The following TMCO4 variants were observed in gnomAD, a reference collection of about 807,000 sequenced individuals.
TMCO4 encodes the protein transmembrane and coiled-coil domain-containing protein 4.
TMCO4 carries 58 observed loss-of-function variants against 64.7 expected under a neutral mutation model. The ratio of observed to expected loss-of-function variants is 0.90; its 90% CI spans 0.73 to 1.12. The LOEUF is 1.12. Among genes scored for constraint, TMCO4 ranks in the 50% most tolerant of loss-of-function variants. The pLI is 0.00. For missense variants in TMCO4, 780 were observed against 825.9 expected (o/e 0.94, Z 0.68); for synonymous variants, 325 against 346.1 (o/e 0.94, Z 0.68).
chr1:19,729,097 A>C (rs1026752970), intron 13 of TMCO4, among the ~76,000 whole-genome samples: 1 of 152,170 alleles, frequency 6.6e-6, no homozygotes. Flanking sequence ...GTAGTCAGAA[A>C]GAGTGAATAA....
At chr1:19,723,297 G>T (rs1056239203) in intron 13 of TMCO4, among the ~76,000 whole-genome samples, 1 of 152,164 alleles carries the variant, frequency 6.6e-6, no homozygotes. Flanking sequence ...TTTTGGATTT[G>T]GGATGCCCAA....
Position 19,771,441 on chromosome 1 carries a change from A to T in TMCO4, c.221T>A (p.Leu74Gln). The T allele has an allele frequency of 6.2e-7, 1 of 1,614,186 alleles. No homozygotes were observed. Among genetic ancestry groups the T allele is most frequent in the Non-Finnish European group, 8.5e-7 (1 of 1,180,018 alleles). The change falls in exon 5 of 16, where the codon CTG becomes CAG. Residue 74 changes from leucine to glutamine, a missense_variant. Physicochemically the swap from Leu to Gln is moderately radical, Grantham distance 113. Transcript: ENST00000294543. ...TGGCAAGACAGCTTCAGACAACTCCAGCCACTGCACCAGGCCTGCCATGAA... is the reference window on the plus strand; with the variant it reads ...TGGCAAGACAGCTTCAGACAACTCCTGCCACTGCACCAGGCCTGCCATGAA... Reference protein sequence around the residue: ...TEFMAGLVQWLELSEAVLPTM... With the variant: ...TEFMAGLVQWQELSEAVLPTM...
intron 13 of TMCO4, among the ~76,000 whole-genome samples, chr1:19,724,737 C>T (rs2095401190): frequency 6.6e-6 from 1 of 152,094 alleles, no homozygotes; most frequent in African/African-American, 2.4e-5. Flanking sequence ...TTTCTAGACT[C>T]TAAGTTCAGT....
At chr1:19,718,643 C>T (rs532872634) in intron 13 of TMCO4, among the ~76,000 whole-genome samples, 2 of 8,116 alleles carry the variant, frequency 2.5e-4, no homozygotes, top group Admixed American at 1.3e-3. Context: ...AGAATGAGAC[C>T]GTCTCTCAAA....
At chr1:19,778,234 C>T (rs1267108939) in intron 4 of TMCO4, among the ~76,000 whole-genome samples, 3 of 150,660 alleles carry the variant, frequency 2.0e-5, no homozygotes, top group Non-Finnish European at 4.4e-5. Flanking sequence ...TCTACATCAT[C>T]TCATTATTTA....
chr1:19,791,741 C>A (rs956816532), intron 2 of TMCO4, among the ~76,000 whole-genome samples: 5 of 152,216 alleles, frequency 3.3e-5, no homozygotes, highest in Non-Finnish European at 5.9e-5. Flanking sequence ...CAGGGCTGGT[C>A]CAGCAGCGCC....
chr1:19,712,107 T>C (rs1385297874), intron 13 of TMCO4, among the ~76,000 whole-genome samples: 2 of 152,156 alleles, frequency 1.3e-5, no homozygotes, highest in Non-Finnish European at 2.9e-5. Flanking sequence ...ATCCATCATG[T>C]AGGGCTATTA....
chr1:19,716,381 C>CTTTTTTTTTTT (rs1262772167), intron 13 of TMCO4, among the ~76,000 whole-genome samples: 34 of 124,438 alleles, frequency 2.7e-4, no homozygotes, highest in East Asian at 4.6e-4. Flanking sequence ...TTTTTTCTTT[C>CTTTTTTTTTTT]TTTTTTTTTT....
chr1:19,751,247 A>G (rs750555660), intron 7 of TMCO4, among the ~76,000 whole-genome samples: 1 of 152,124 alleles, frequency 6.6e-6, no homozygotes, highest in Non-Finnish European at 1.5e-5. Context: ...ATACTCCCCT[A>G]CTCACTGTCC....
At chr1:19,772,368 A>G (rs962816511) in intron 4 of TMCO4, among the ~76,000 whole-genome samples, 1 of 152,146 alleles carries the variant, frequency 6.6e-6, no homozygotes, top group Admixed American at 6.5e-5. Context: ...AGTGCCCTCC[A>G]CGTGCACTGC....
chr1:19,747,103 T>C (rs2041827212), intron 8 of TMCO4, 60 bp downstream of exon 8: 1 of 1,557,834 alleles, frequency 6.4e-7, no homozygotes, highest in Admixed American at 1.7e-5. Context: ...ACCCACAGCC[T>C]GGCATCATTT....
chr1:19,761,295 C>G (rs1000050094), intron 6 of TMCO4, among the ~76,000 whole-genome samples: 2 of 152,214 alleles, frequency 1.3e-5, no homozygotes, highest in African/African-American at 4.8e-5. Context: ...CACCTCTCCC[C>G]GAAGCCCGCC....
intron 13 of TMCO4, among the ~76,000 whole-genome samples, chr1:19,708,378 C>T (rs1464998733): frequency 6.7e-6 from 1 of 149,118 alleles, no homozygotes; most frequent in Non-Finnish European, 1.5e-5. Flanking sequence ...ATTATCTTAG[C>T]TTTTTAAAAA....
intron 4 of TMCO4, among the ~76,000 whole-genome samples, 186 bp downstream of exon 4, chr1:19,780,394 G>A (rs573464921): frequency 6.6e-6 from 1 of 152,290 alleles, no homozygotes; most frequent in Non-Finnish European, 1.5e-5. Flanking sequence ...TGTGCGGCCA[G>A]GTTCCTAACA....
chr1:19,750,030 T>C (rs1461362787), intron 7 of TMCO4: 2 of 152,304 alleles, frequency 1.3e-5, no homozygotes, highest in East Asian at 1.9e-4. Flanking sequence ...CCAGGGGTAT[T>C]GTGAGGACTA....
At chr1:19,742,357 A>T (rs1442460511) in intron 10 of TMCO4, among the ~76,000 whole-genome samples, 1 of 152,164 alleles carries the variant, frequency 6.6e-6, no homozygotes, top group African/African-American at 2.4e-5. Context: ...AGTGCTCATT[A>T]AACACCATGT....
chr1:19,720,397 C>G (rs2100734872), intron 13 of TMCO4, among the ~76,000 whole-genome samples: 1 of 152,244 alleles, frequency 6.6e-6, no homozygotes, highest in East Asian at 1.9e-4. Flanking sequence ...TACATGGGGT[C>G]TGTTTGCTCA....
intron 13 of TMCO4, among the ~76,000 whole-genome samples, chr1:19,727,470 T>C (rs1433504758): frequency 6.6e-6 from 1 of 152,234 alleles, no homozygotes; most frequent in East Asian, 1.9e-4. Flanking sequence ...GTTGGTGCTA[T>C]ATCTATTAGC....
rs746922966 is a variant in TMCO4, at chr1:19,734,061, C to G, written c.1264+3311G>C. Among the ~76,000 whole-genome samples the G allele has an allele frequency of 1.8e-4, 27 of 152,270 alleles. No individual in the cohort carries two copies. The highest frequency in any genetic ancestry group is 3.4e-4 in the Non-Finnish European group (23 of 68,022). ...GTGTGCTGTGTGGTTACTACTACTA[C>G]TATTATCATCATTATTATTGGAGGG... On this transcript the variant is annotated intron_variant, in intron 13 of 15. Transcript: ENST00000294543. This position sits in a 1 kb window ranked among gnomAD's most constrained non-coding sequence, Gnocchi z 4.4.
Sources: allele counts gnomAD v4.1 joint callset (sites outside exome capture counted in the v4.1 genomes callset), GRCh38; gene constraint gnomAD v4.1.1; non-coding constraint Gnocchi (gnomAD v3.1); transcripts MANE v1.5; gene names NCBI Gene and HGNC (gene_info 2026-07-23, HGNC 2026-07-21).